Variants in KCNQ1 observed in about 807,000 individuals in gnomAD.
KCNQ1 encodes the protein potassium voltage-gated channel subfamily Q member 1.
KCNQ1 carries 49 observed loss-of-function variants against 72.4 expected under a neutral mutation model. That is an observed-to-expected ratio of 0.68 (90% confidence interval 0.54 to 0.86). The LOEUF (loss-of-function observed/expected upper bound fraction) is 0.86. Among genes scored for constraint, KCNQ1 ranks in the 40% least tolerant of loss-of-function variants. The probability of loss-of-function intolerance (pLI) is 0.00; values close to 1 mark genes in which losing one functional copy is unlikely to be tolerated. For missense variants in KCNQ1, 790 were observed against 945.1 expected, an observed-to-expected ratio of 0.84 and a Z score of 2.15; for synonymous variants, 450 against 412.6, an observed-to-expected ratio of 1.09 and a Z score of -1.10.
chr11:2,662,771 T>A lies in KCNQ1; in HGVS notation c.1514+690T>A, dbSNP rs879017532. 2.0e-5 allele frequency: 8 copies of A among 399,060 alleles called. No individual in the cohort carries two copies. The Admixed American group carries it at 3.5e-4, about 18-fold the overall frequency. The allele number at this position is 399,060 out of a possible 1,614,324, so 24.7% of individuals were successfully genotyped here. On this transcript the variant is annotated intron_variant, in intron 11 of 15. Coordinates refer to ENST00000155840, the MANE Select transcript of KCNQ1 (RefSeq NM_000218.3). ...TTCTGGCTGCTAACCCGTTGGGGAT[T>A]CCCCTTGATAAATGTCTTTGTGTCA...
rs1049136053 is a variant in KCNQ1 at position 2,674,765 on chromosome 11, C to G, written c.1514+12684C>G. On this transcript the variant is annotated intron_variant, in intron 11 of 15. Transcript: ENST00000155840. This position sits in a 1 kb window ranked among gnomAD's most constrained non-coding sequence, Gnocchi z 5.9. ...CTCCAATCCCAGCCCAGTGCCAGAC[C>G]AGCTTCCTGGAAACTCTCGCCAACT... 1 of 396,108 alleles carries G rather than the reference C, an allele frequency of 2.5e-6. No homozygotes were observed. The highest frequency in any genetic ancestry group is 2.1e-5 in the African/African-American group (1 of 47,532). The allele number at this position is 396,108 out of a possible 1,614,324, so 24.5% of individuals were successfully genotyped here.
Position 2,803,957 on chromosome 11 carries a change from T to C in KCNQ1, c.1794+25920T>C, listed in dbSNP as rs1847325009. 6.6e-6 allele frequency among the ~76,000 whole-genome samples: 1 copy of C among 151,854 alleles called. No homozygotes were observed. Among genetic ancestry groups the C allele is most frequent in the South Asian group, 2.1e-4 (1 of 4,818 alleles). ...GATCCCACTCGGCTCACACAGAGCC[T>C]TGGCCAGCATGTGGCCGCAGCCCCA... is the stretch of plus-strand genomic sequence containing the variant. On this transcript the variant is annotated intron_variant, in intron 15 of 15. Transcript: ENST00000155840. This position sits in a 1 kb window ranked among gnomAD's most constrained non-coding sequence, Gnocchi z 6.4.
chr11:2,614,382 C>A, intron 10 of KCNQ1: 1 of 398,498 alleles, frequency 2.5e-6, no homozygotes, highest in Non-Finnish European at 4.4e-6. Context: ...GAAACCATTT[C>A]AAAATGTACA....
intron 11 of KCNQ1, chr11:2,689,330 T>C (rs931482311): frequency 7.5e-6 from 3 of 398,508 alleles, no homozygotes; most frequent in Non-Finnish European, 1.3e-5. Flanking sequence ...ACTGCCCCTA[T>C]CCGCAGAGCT....
At chr11:2,448,374 AC>A (rs1846075222) in intron 1 of KCNQ1, among the ~76,000 whole-genome samples, 1 of 152,140 alleles carries the variant, frequency 6.6e-6, no homozygotes, top group South Asian at 2.1e-4. Context: ...TGTTGGCAGA[AC>A]CCTCGCGGGT....
chr11:2,627,401 C>G lies in KCNQ1; in HGVS notation c.1394-34560C>G. The G allele has an allele frequency of 2.5e-6, 1 of 398,486 alleles. No homozygotes were observed. Among genetic ancestry groups the G allele is most frequent in the Non-Finnish European group, 4.4e-6 (1 of 226,024 alleles). 24.7% of individuals were successfully genotyped at this position (398,486 alleles called of 1,614,324 possible). A position where few individuals can be genotyped will look rare whatever the true frequency, so the allele number is the denominator to read the frequency against. On this transcript the variant is annotated intron_variant, in intron 10 of 15. Transcript: ENST00000155840. The surrounding 1 kb of genome is among the most constrained non-coding windows in gnomAD (Gnocchi z 4.9). ...ATAGTCACCAATCTGGACGTTATGT[C>G]AAGAACTTATTCATCTGATAACTCT...
rs1847729996 is a variant in KCNQ1 at position 2,536,252 on chromosome 11, G to A, written c.477+8234G>A. On this transcript the variant is annotated intron_variant, in intron 2 of 15. Coordinates refer to ENST00000155840, the MANE Select transcript of KCNQ1 (RefSeq NM_000218.3). This position sits in a 1 kb window ranked among gnomAD's most constrained non-coding sequence, Gnocchi z 7.4. ...TAGAAATTTCCTGCTGTGCCAGGCTGCAGCAGAGACTCCGGCCCCACCAGG... is the reference window on the plus strand; with the variant it reads ...TAGAAATTTCCTGCTGTGCCAGGCTACAGCAGAGACTCCGGCCCCACCAGG... 6.6e-6 allele frequency among the ~76,000 whole-genome samples: 1 copy of A among 152,232 alleles called. No homozygotes were observed.
chr11:2,552,635 G>A (rs1848000061), intron 2 of KCNQ1, among the ~76,000 whole-genome samples: 1 of 152,206 alleles, frequency 6.6e-6, no homozygotes, highest in Non-Finnish European at 1.5e-5. Context: ...TGGATATGTA[G>A]ATAAATTTGG....
intron 11 of KCNQ1, among the ~76,000 whole-genome samples, chr11:2,738,975 C>G (rs12269744): frequency 0.15 from 22,547 of 152,184 alleles, 1,823 homozygotes; most frequent in Non-Finnish European, 0.16. Context: ...TTGGGGGGAC[C>G]CTGGTACAGG....
At chr11:2,578,661 G>T (rs1848455960) in intron 6 of KCNQ1, among the ~76,000 whole-genome samples, 1 of 152,262 alleles carries the variant, frequency 6.6e-6, no homozygotes, top group Non-Finnish European at 1.5e-5. Flanking sequence ...TGGCCGCATG[G>T]GATGTCCCGG....
chr11:2,794,108 G>T (rs1021862867), intron 15 of KCNQ1, among the ~76,000 whole-genome samples: 5 of 152,186 alleles, frequency 3.3e-5, no homozygotes, highest in African/African-American at 4.8e-5. Context: ...ATCCAGGGGT[G>T]GCTCCGGCTT....
chr11:2,453,429 G>A (rs1846143384), intron 1 of KCNQ1, among the ~76,000 whole-genome samples: 1 of 152,052 alleles, frequency 6.6e-6, no homozygotes, highest in Non-Finnish European at 1.5e-5. Context: ...GGGGGAAGAT[G>A]TGATGTTTCA....
At chr11:2,779,629 C>T (rs973072801) in intron 15 of KCNQ1, among the ~76,000 whole-genome samples, 1 of 152,322 alleles carries the variant, frequency 6.6e-6, no homozygotes, top group East Asian at 1.9e-4. Context: ...TTTCTTACGG[C>T]TCTGCCCCTG....
intron 11 of KCNQ1, chr11:2,689,080 G>A (rs929176620): frequency 2.3e-4 from 93 of 398,740 alleles, no homozygotes; most frequent in African/African-American, 1.7e-3. Flanking sequence ...TGGCACATCC[G>A]GCCTGGAAGT....
At chr11:2,580,853 G>A (rs1040962927) in intron 6 of KCNQ1, among the ~76,000 whole-genome samples, 10 of 152,350 alleles carry the variant, frequency 6.6e-5, no homozygotes, top group Middle Eastern at 6.8e-3. Context: ...TTGGGCCTGC[G>A]CTGGGCTGCT....
rs1002014586 is a variant in KCNQ1 at position 2,453,467 on chromosome 11, A to T, written c.386+7983A>T. On this transcript the variant is annotated intron_variant, in intron 1 of 15. Coordinates refer to ENST00000155840, the MANE Select transcript of KCNQ1 (RefSeq NM_000218.3). ...AAGGGTTAATCTGTTTACTACAGAA[A>T]GAGTTTCTGAAAACAGAAGAAAACC... 5.9e-5 allele frequency among the ~76,000 whole-genome samples: 9 copies of T among 152,348 alleles called. No homozygotes were observed. The East Asian group carries it at 1.3e-3, about 23-fold the overall frequency.
intron 15 of KCNQ1, among the ~76,000 whole-genome samples, chr11:2,814,407 A>T (rs1159929216): frequency 6.8e-6 from 1 of 147,864 alleles, no homozygotes; most frequent in Admixed American, 6.7e-5. Flanking sequence ...GAATAAAAGG[A>T]TGGTGGGTGG....
In KCNQ1 at chr11:2,789,484, C is replaced by G. The variant is rs527391984; in HGVS notation, c.1794+11447C>G. Among the ~76,000 whole-genome samples the G allele has an allele frequency of 2.6e-5, 4 of 152,364 alleles. No individual in the cohort carries two copies. In the South Asian group the frequency reaches 8.3e-4, roughly 32 times the overall value. ...TCGACGCCGCAGCCCCAGTGCCCGC[C>G]ACAGACGAGCTTTTGCCGGCAGTCA... On this transcript the variant is annotated intron_variant, in intron 15 of 15. Transcript: ENST00000155840.
intron 10 of KCNQ1, chr11:2,640,012 C>T (rs773472696): frequency 3.5e-4 from 56 of 158,710 alleles, no homozygotes; most frequent in Non-Finnish European, 6.5e-4. Context: ...GAGCCAGGCG[C>T]GGGATATAAT....
Sources: gnomAD v4.1 joint callset for allele counts (sites outside exome capture counted in the v4.1 genomes callset) on GRCh38, gnomAD v4.1.1 for gene constraint, Gnocchi (gnomAD v3.1) non-coding constraint, MANE v1.5 for transcripts, NCBI Gene and HGNC (gene_info 2026-07-23, HGNC 2026-07-21) for gene names.